The following CACNA1E variants were observed in gnomAD, a reference collection of about 807,000 sequenced individuals.
CACNA1E encodes the protein calcium voltage-gated channel subunit alpha1 E, also known as voltage-dependent R-type calcium channel subunit alpha-1E.
In CACNA1E, 40 loss-of-function variants were observed where a neutral mutation model predicts 259.2. That is an observed-to-expected ratio of 0.15 (90% CI 0.12 to 0.20). The LOEUF is 0.20. Among genes scored for constraint, CACNA1E ranks in the 10% least tolerant of loss-of-function variants. The pLI is 1.00. For missense variants in CACNA1E, 1,874 were observed against 3,040.1 expected (o/e 0.62, Z 9.02); for synonymous variants, 1,104 against 1,138.5 (o/e 0.97, Z 0.61).
chr1:181,628,488 ATCT>A (rs1165173852), intron 6 of CACNA1E, among the ~76,000 whole-genome samples: 3 of 152,178 alleles, frequency 2.0e-5, no homozygotes, highest in Non-Finnish European at 2.9e-5. Flanking sequence ...TATCACATGA[ATCT>A]TCTTTTTATC....
chr1:181,804,056 C>T lies in CACNA1E; in HGVS notation c.*5222C>T, dbSNP rs924113551. ...GGAGATTTTATAATAAGCCATGCTACCTGTAAATACATTATTGAGGTTTGC... is the reference window on the plus strand; with the variant it reads ...GGAGATTTTATAATAAGCCATGCTATCTGTAAATACATTATTGAGGTTTGC... On this transcript the variant is annotated 3_prime_UTR_variant, in exon 48 of 48. Transcript: ENST00000367573. 1.3e-5 allele frequency: 2 copies of T among 152,164 alleles called. No homozygotes were observed. The highest frequency in any genetic ancestry group is 4.8e-5 in the African/African-American group (2 of 41,426). 9.4% of individuals were successfully genotyped at this position (152,164 alleles called of 1,614,324 possible). A position where few individuals can be genotyped will look rare whatever the true frequency, so the allele number is the denominator to read the frequency against.
In CACNA1E at chr1:181,483,587, C is replaced by A; in HGVS notation, c.-158C>A. The A allele has an allele frequency of 2.3e-6, 1 of 441,980 alleles. No homozygotes were observed. Among genetic ancestry groups the A allele is most frequent in the Non-Finnish European group, 4.0e-6 (1 of 249,982 alleles). 27.4% of individuals were successfully genotyped at this position (441,980 alleles called of 1,614,324 possible). ...AGTTCACAGCGGCGGGCTGCTGCTG[C>A]TGCCTCTCCGAAGAGCTCGCGGAGC... is the stretch of plus-strand genomic sequence containing the variant. On this transcript the variant is annotated 5_prime_UTR_variant, in exon 1 of 48. The change creates a new upstream start codon in the 5' untranslated region. Coordinates refer to ENST00000367573, the MANE Select transcript of CACNA1E (RefSeq NM_001205293.3).
chr1:181,389,213 C>T (rs559838995), intron 1 of CACNA1E, among the ~76,000 whole-genome samples: 7 of 152,284 alleles, frequency 4.6e-5, no homozygotes, highest in African/African-American at 1.7e-4. Context: ...CTTAGGAACA[C>T]TAGACAGCAC....
At chr1:181,578,445 T>C (rs907283094) in intron 4 of CACNA1E, among the ~76,000 whole-genome samples, 2 of 152,164 alleles carry the variant, frequency 1.3e-5, no homozygotes, top group Admixed American at 6.5e-5. Context: ...CTCACTCCTG[T>C]AGTCCCAGCT....
chr1:181,752,183 C>T lies in CACNA1E; in HGVS notation c.3772C>T (p.Arg1258Trp). Reference sequence around the variant, plus strand: ...GGACATCAAGACCATCAAGTCTCTGCGGGTGCTCCGAGTTCTAAGGCCACT... The same window carrying T: ...GGACATCAAGACCATCAAGTCTCTGTGGGTGCTCCGAGTTCTAAGGCCACT... ...GRDIKTIKSL[R>W]VLRVLRPLKT... is the part of the protein sequence containing the mutation. The change falls in exon 27 of 48, where the codon CGG becomes TGG. Residue 1258 changes from arginine (R) to tryptophan (W), a missense_variant. Physicochemically the swap from Arg to Trp is moderately radical, Grantham distance 101. Around this residue, in one of 14 missense-constraint regions of CACNA1E, gnomAD observed 188 missense variants for 540.6 expected, o/e 0.35. Coordinates refer to ENST00000367573, the MANE Select transcript of CACNA1E (RefSeq NM_001205293.3). 1.2e-6 allele frequency: 2 copies of T among 1,613,868 alleles called. No homozygotes were observed. The highest frequency in any genetic ancestry group is 1.7e-6 in the Non-Finnish European group (2 of 1,179,764).
In CACNA1E at chr1:181,800,691, AGTT is replaced by A. The variant is rs1425134173; in HGVS notation, c.*1861_*1863del. 1 of 152,618 alleles carries A rather than the reference AGTT, an allele frequency of 6.6e-6. No individual in the cohort carries two copies. Among genetic ancestry groups the A allele is most frequent in the South Asian group, 2.1e-4 (1 of 4,826 alleles). The allele number at this position is 152,618 out of a possible 1,614,324, so 9.5% of individuals were successfully genotyped here. On this transcript the variant is annotated 3_prime_UTR_variant, in exon 48 of 48. Coordinates refer to ENST00000367573, the MANE Select transcript of CACNA1E (RefSeq NM_001205293.3). ...CTCCTCTTGGGCAGGAGCAATCCAG[AGTT>A]GTTATTTTTCTTAGAAGGAGCCTCT...
chr1:181,460,957 A>T (rs1320419036), intron 2 of CACNA1E, among the ~76,000 whole-genome samples: 1 of 152,176 alleles, frequency 6.6e-6, no homozygotes, highest in Non-Finnish European at 1.5e-5. Flanking sequence ...TATCTGATAC[A>T]TGCTCTTTAT....
At chr1:181,589,734 T>C (rs895418591) in intron 6 of CACNA1E, among the ~76,000 whole-genome samples, 2 of 151,846 alleles carry the variant, frequency 1.3e-5, no homozygotes, top group Non-Finnish European at 2.9e-5. Context: ...AAAAAGAAAA[T>C]AAAATAAAGT....
chr1:181,630,085 C>CG (rs1656571761), intron 6 of CACNA1E, among the ~76,000 whole-genome samples: 1 of 150,506 alleles, frequency 6.6e-6, no homozygotes, highest in Non-Finnish European at 1.5e-5. Flanking sequence ...GAAAACACAT[C>CG]GGGCCATAAG....
intron 1 of CACNA1E, among the ~76,000 whole-genome samples, chr1:181,321,725 T>C (rs1441714386): frequency 6.6e-6 from 1 of 152,076 alleles, no homozygotes; most frequent in Non-Finnish European, 1.5e-5. Flanking sequence ...AAGAACAGCA[T>C]GGCTGGGGGG....
At chr1:181,494,321 T>G (rs111379675) in intron 1 of CACNA1E, among the ~76,000 whole-genome samples, 6,609 of 152,052 alleles carry the variant, frequency 0.043, 479 homozygotes, top group African/African-American at 0.15. Flanking sequence ...GTGGTGTTTT[T>G]TTTTTTTTTT....
intron 7 of CACNA1E, among the ~76,000 whole-genome samples, chr1:181,679,275 T>C (rs541265774): frequency 1.3e-5 from 2 of 152,352 alleles, no homozygotes; most frequent in South Asian, 2.1e-4. Context: ...TGTTTCTCCA[T>C]ATTACCCATG....
intron 24 of CACNA1E, among the ~76,000 whole-genome samples, chr1:181,738,749 G>C (rs1417150324): frequency 6.6e-6 from 1 of 152,232 alleles, no homozygotes; most frequent in Non-Finnish European, 1.5e-5. Flanking sequence ...CCAAGGCAAA[G>C]GGCTAGGTAG....
chr1:181,639,624 G>T (rs895206439), intron 6 of CACNA1E, among the ~76,000 whole-genome samples: 12 of 152,150 alleles, frequency 7.9e-5, no homozygotes, highest in African/African-American at 2.7e-4. Context: ...CCTAATGAAC[G>T]GCAGAGAGAG....
chr1:181,643,081 C>T (rs963041465), intron 6 of CACNA1E, among the ~76,000 whole-genome samples: 5 of 152,056 alleles, frequency 3.3e-5, no homozygotes, highest in African/African-American at 1.2e-4. Context: ...AAAATTCACC[C>T]ATGACCCAGA....
chr1:181,635,791 A>G lies in CACNA1E; in HGVS notation c.952-15547A>G, dbSNP rs554065561. Among the ~76,000 whole-genome samples, 4 of 152,322 alleles carry G rather than the reference A, an allele frequency of 2.6e-5. No individual in the cohort carries two copies. The South Asian group carries it at 8.3e-4, about 32-fold the overall frequency. On this transcript the variant is annotated intron_variant, in intron 6 of 47. Coordinates refer to ENST00000367573, the MANE Select transcript of CACNA1E (RefSeq NM_001205293.3). ...GAATATTCCTCTGCATTTTGATTCTAAAGTATTTGATTAGCTCATTCATCC... is the reference window on the plus strand; with the variant it reads ...GAATATTCCTCTGCATTTTGATTCTGAAGTATTTGATTAGCTCATTCATCC...
Position 181,651,561 on chromosome 1 carries a change from G to C in CACNA1E, c.1055+120G>C, listed in dbSNP as rs61119076. 6,018 of 672,024 alleles carry C rather than the reference G, an allele frequency of 9.0e-3. 253 individuals are homozygous for C. In the African/African-American group the frequency reaches 0.095, roughly 11 times the overall value. The allele number at this position is 672,024 out of a possible 1,614,324, so 41.6% of individuals were successfully genotyped here. A position where few individuals can be genotyped will look rare whatever the true frequency, so the allele number is the denominator to read the frequency against. ...TCATTTAGAAGACACTTACCTAGCA[G>C]TTCCTCTGTGCCAAATGCTTTCTAG... On this transcript the variant is annotated intron_variant, in intron 7 of 47. Transcript: ENST00000367573.
intron 35 of CACNA1E, among the ~76,000 whole-genome samples, chr1:181,769,952 G>A: frequency 6.6e-6 from 1 of 152,122 alleles, no homozygotes; most frequent in East Asian, 1.9e-4. Context: ...GGGCCCTCTA[G>A]CTGCTTCTTC....
intron 3 of CACNA1E, among the ~76,000 whole-genome samples, chr1:181,557,027 G>T (rs1558123928): frequency 6.6e-6 from 1 of 152,184 alleles, no homozygotes. Context: ...TGAGGCATGG[G>T]TCTCTGTCTC....
Sources: allele counts gnomAD v4.1 joint callset (sites outside exome capture counted in the v4.1 genomes callset), GRCh38; gene constraint gnomAD v4.1.1; regional missense constraint gnomAD v4.1.1; transcripts MANE v1.5; gene names NCBI Gene and HGNC (gene_info 2026-07-23, HGNC 2026-07-21).